GLIS3: variants seen among roughly 807,000 people sequenced by gnomAD.
GLIS3 encodes GLIS family zinc finger 3, also known as zinc finger protein GLIS3.
Under a neutral mutation model 78.6 loss-of-function variants are expected in GLIS3, and 53 were observed. That is an observed-to-expected ratio of 0.67 (90% confidence interval 0.54 to 0.85). The LOEUF is 0.85. GLIS3 is among the 40% of genes least tolerant of loss of function. GLIS3 has a pLI of 0.00. For synonymous variants in GLIS3, 684 were observed against 509.9 expected (o/e 1.34, Z -4.60); for missense variants, 1,703 against 1,231.1 (o/e 1.38, Z -5.74).
intron 4 of GLIS3, among the ~76,000 whole-genome samples, chr9:3,968,484 G>A (rs776267605): frequency 7.8e-4 from 119 of 152,092 alleles, no homozygotes; most frequent in Non-Finnish European, 9.4e-4. Flanking sequence ...ATATACGTGT[G>A]ATAATCCGTC....
chr9:3,871,768 G>A (rs1359703985), intron 8 of GLIS3, among the ~76,000 whole-genome samples: 1 of 152,212 alleles, frequency 6.6e-6, no homozygotes, highest in Non-Finnish European at 1.5e-5. Flanking sequence ...AGGGACTGCT[G>A]TGAAGACCTC....
intron 8 of GLIS3, among the ~76,000 whole-genome samples, chr9:3,865,582 T>C (rs573278155): frequency 1.1e-4 from 17 of 152,328 alleles, no homozygotes; most frequent in Admixed American, 1.0e-3. Context: ...GTGACTTCCA[T>C]TGTTGCTTCA....
At position 4,125,720 on chromosome 9, in the gene GLIS3, A is replaced by T; in HGVS notation, c.596+14T>A. ...ATACCATAAAGAAAGGGGAAAAAAA[A>T]GTTAACTTGAGACCTGGTATCTGAA... is the stretch of plus-strand genomic sequence containing the variant. On this transcript the variant is annotated intron_variant, in intron 3 of 10. Transcript: ENST00000381971. 3 of 1,608,360 alleles carry T rather than the reference A, an allele frequency of 1.9e-6. No individual in the cohort carries two copies. The highest frequency in any genetic ancestry group is 1.7e-6 in the Non-Finnish European group (2 of 1,176,118).
chr9:4,282,844 C>T (rs940249423), intron 2 of GLIS3, among the ~76,000 whole-genome samples: 4 of 152,114 alleles, frequency 2.6e-5, no homozygotes, highest in Admixed American at 2.0e-4. Context: ...TCCCATGTTC[C>T]ATCAGCGTCC....
intron 2 of GLIS3, among the ~76,000 whole-genome samples, chr9:4,237,906 T>A (rs1415962042): frequency 6.6e-6 from 1 of 152,202 alleles, no homozygotes; most frequent in Non-Finnish European, 1.5e-5. Flanking sequence ...CTTCCCTAGT[T>A]AATTCACTAG....
At chr9:4,100,285 T>C (rs1235815038) in intron 4 of GLIS3, among the ~76,000 whole-genome samples, 1 of 152,178 alleles carries the variant, frequency 6.6e-6, no homozygotes, top group Non-Finnish European at 1.5e-5. Flanking sequence ...AACCACACAC[T>C]ATCCTAGTCA....
At chr9:4,254,637 C>G (rs1824734291) in intron 2 of GLIS3, among the ~76,000 whole-genome samples, 1 of 151,928 alleles carries the variant, frequency 6.6e-6, no homozygotes, top group Non-Finnish European at 1.5e-5. Flanking sequence ...GTCAGGAGTT[C>G]AAGACCAGCC....
chr9:4,258,004 A>T (rs920505360), intron 2 of GLIS3, among the ~76,000 whole-genome samples: 8 of 152,214 alleles, frequency 5.3e-5, no homozygotes, highest in African/African-American at 1.7e-4. Flanking sequence ...ATTATATAAA[A>T]AACACACAAT....
chr9:4,424,750 T>C, the GLIS3 span, among the ~76,000 whole-genome samples: 1 of 152,118 alleles, frequency 6.6e-6, no homozygotes, highest in Non-Finnish European at 1.5e-5. Context: ...TTTTATTCAT[T>C]GTAGAGACGG....
At chr9:3,930,490 T>C (rs895741515) in intron 6 of GLIS3, among the ~76,000 whole-genome samples, 1 of 152,200 alleles carries the variant, frequency 6.6e-6, no homozygotes, top group African/African-American at 2.4e-5. Context: ...CAGTTAGTGC[T>C]TCAATAATCT....
At chr9:4,040,496 T>A (rs2130360275) in intron 4 of GLIS3, among the ~76,000 whole-genome samples, 1 of 152,236 alleles carries the variant, frequency 6.6e-6, no homozygotes, top group East Asian at 1.9e-4. Context: ...ATATCACAAA[T>A]AAGGACAATC....
At chr9:3,948,500 T>C (rs1816448449) in intron 4 of GLIS3, among the ~76,000 whole-genome samples, 1 of 152,180 alleles carries the variant, frequency 6.6e-6, no homozygotes, top group African/African-American at 2.4e-5. Context: ...ATAATTCTTA[T>C]GAAAAATACC....
At chr9:4,438,389 C>G in the GLIS3 span, among the ~76,000 whole-genome samples, 1 of 152,078 alleles carries the variant, frequency 6.6e-6, no homozygotes, top group African/African-American at 2.4e-5. Context: ...GGCAAAATGA[C>G]AAATAGACTT....
intron 4 of GLIS3, among the ~76,000 whole-genome samples, chr9:3,986,586 A>G (rs1819757073): frequency 6.6e-6 from 1 of 152,236 alleles, no homozygotes; most frequent in African/African-American, 2.4e-5. Flanking sequence ...GCTCCTAATT[A>G]ACTATTAAAT....
the GLIS3 span, among the ~76,000 whole-genome samples, chr9:4,453,353 A>AG: frequency 7.4e-6 from 1 of 135,496 alleles, no homozygotes; most frequent in South Asian, 2.1e-4. Context: ...AGCAAAAAAA[A>AG]AAAAAAAAAA....
At chr9:4,338,703 A>G (rs1817791310) in intron 2 of GLIS3, among the ~76,000 whole-genome samples, 1 of 152,188 alleles carries the variant, frequency 6.6e-6, no homozygotes, top group Admixed American at 6.5e-5. Context: ...AGTACTGGAG[A>G]TTGGTTCCTG....
At chr9:4,483,504 G>A in the GLIS3 span, among the ~76,000 whole-genome samples, 1 of 152,058 alleles carries the variant, frequency 6.6e-6, no homozygotes, top group Non-Finnish European at 1.5e-5. Flanking sequence ...CAGATCACGA[G>A]GTCAGGAGTT....
At chr9:4,403,931 A>G in the GLIS3 span, among the ~76,000 whole-genome samples, 1 of 152,160 alleles carries the variant, frequency 6.6e-6, no homozygotes, top group Non-Finnish European at 1.5e-5. Context: ...ACAGAGAGTG[A>G]CTGAATGGAT....
At chr9:3,954,708 A>G (rs530902794) in intron 4 of GLIS3, among the ~76,000 whole-genome samples, 256 of 152,344 alleles carry the variant, frequency 1.7e-3, no homozygotes, top group African/African-American at 5.9e-3. Context: ...GAAAAAAAGA[A>G]AATGTCTAAA....
Sources: gnomAD v4.1 joint callset for allele counts (sites outside exome capture counted in the v4.1 genomes callset) on GRCh38, gnomAD v4.1.1 for gene constraint, MANE v1.5 for transcripts, NCBI Gene and HGNC (gene_info 2026-07-23, HGNC 2026-07-21) for gene names.